CDH8: variants seen among roughly 807,000 people sequenced by gnomAD.
CDH8 encodes the protein cadherin 8, also known as cadherin-8.
In CDH8, 17 loss-of-function variants were observed where a neutral mutation model predicts 68.1. The observed-to-expected ratio is 0.25, with a 90% CI of 0.17 to 0.37. The LOEUF is 0.37. Among genes scored for constraint, CDH8 ranks in the 10% least tolerant of loss-of-function variants. The pLI, the probability that CDH8 is intolerant of heterozygous loss-of-function variation, is 1.00. For synonymous variants in CDH8, 372 were observed against 365.1 expected, an observed-to-expected ratio of 1.02 and a Z score of -0.21; for missense variants, 763 against 999.3, an observed-to-expected ratio of 0.76 and a Z score of 3.19.
intron 3 of CDH8, among the ~76,000 whole-genome samples, chr16:61,859,502 A>G (rs1157906539): frequency 6.6e-6 from 1 of 152,186 alleles, no homozygotes; most frequent in Admixed American, 6.5e-5. Flanking sequence ...TTTCAGTTAA[A>G]GAGCAAACCC....
intron 9 of CDH8, chr16:61,726,676 C>G: frequency 8.6e-6 from 2 of 232,458 alleles, no homozygotes; most frequent in Admixed American, 1.1e-4. Flanking sequence ...CTATAAACCA[C>G]TGGCCTTCTT....
intron 4 of CDH8, among the ~76,000 whole-genome samples, chr16:61,848,968 C>A (rs1284346439): frequency 6.6e-6 from 1 of 152,050 alleles, no homozygotes; most frequent in Non-Finnish European, 1.5e-5. Flanking sequence ...TCCTCAAAAT[C>A]TTCATCTTTA....
intron 2 of CDH8, among the ~76,000 whole-genome samples, chr16:61,928,502 A>T (rs1300196317): frequency 6.6e-6 from 1 of 152,070 alleles, no homozygotes; most frequent in African/African-American, 2.4e-5. Flanking sequence ...ATACCTCCTC[A>T]GTTGCTGCCT....
intron 2 of CDH8, among the ~76,000 whole-genome samples, chr16:61,932,351 A>G (rs1964559005): frequency 6.6e-6 from 1 of 152,230 alleles, no homozygotes; most frequent in Admixed American, 6.5e-5. Context: ...ACAAAAATGT[A>G]ATTCAAAGAT....
rs6498820 is a variant in CDH8, at chr16:62,032,410, C to T, written c.-200+3670G>A. On this transcript the variant is annotated intron_variant, in intron 1 of 11. Transcript: ENST00000577390. ...ATTATCATTGGTTTATCTACACCCT[C>T]CCACCCTGAGAAGTGTATAACACAC... 8.7e-3 allele frequency among the ~76,000 whole-genome samples: 1,324 copies of T among 152,228 alleles called. 18 individuals carry two copies. Among genetic ancestry groups the T allele is most frequent in the African/African-American group, 0.03 (1,232 of 41,548 alleles).
intron 2 of CDH8, among the ~76,000 whole-genome samples, chr16:61,962,044 G>A (rs1304655498): frequency 6.6e-6 from 1 of 152,128 alleles, no homozygotes; most frequent in Non-Finnish European, 1.5e-5. Flanking sequence ...CTAGAGAAAA[G>A]AAATTGCTAT....
intron 8 of CDH8, among the ~76,000 whole-genome samples, chr16:61,770,724 T>C (rs2142985254): frequency 6.6e-6 from 1 of 152,106 alleles, no homozygotes; most frequent in Non-Finnish European, 1.5e-5. Context: ...AACTCATTTC[T>C]TCCTCCTATC....
chr16:61,777,579 C>T lies in CDH8; in HGVS notation c.1414+11767G>A, dbSNP rs929032735. On this transcript the variant is annotated intron_variant, in intron 8 of 11. Coordinates refer to ENST00000577390, the MANE Select transcript of CDH8 (RefSeq NM_001796.5). Reference sequence around the variant, plus strand: ...AATCTATTCCTCCATTCTCAATCCACGTGTTCTTTCTTAGACTGGAAGGAA... The same window carrying T: ...AATCTATTCCTCCATTCTCAATCCATGTGTTCTTTCTTAGACTGGAAGGAA... Among the ~76,000 whole-genome samples the T allele has an allele frequency of 2.6e-5, 4 of 152,060 alleles. No homozygotes were observed. The East Asian group carries it at 7.7e-4, about 29-fold the overall frequency.
chr16:61,737,751 T>C (rs1266242851), intron 8 of CDH8, among the ~76,000 whole-genome samples: 1 of 152,164 alleles, frequency 6.6e-6, no homozygotes, highest in African/African-American at 2.4e-5. Flanking sequence ...GTATTGTTTT[T>C]ATGCATTCCC....
At position 61,825,132 on chromosome 16, in the gene CDH8, C is replaced by T. The variant is rs1245303241; in HGVS notation, c.715G>A (p.Glu239Lys). 3.7e-6 allele frequency: 6 copies of T among 1,611,822 alleles called. No homozygotes were observed. The highest frequency in any genetic ancestry group is 2.2e-5 in the South Asian group (2 of 90,992). Residue 239 changes from glutamate to lysine, a missense_variant, in exon 5 of 12, where the codon GAG (glutamate) becomes AAG (lysine). Glu to Lys is a moderately conservative substitution (Grantham distance 56). Transcript: ENST00000577390. Reference protein sequence around the residue: ...LPNMDREAKEEYLVVIQAKDM... With the variant: ...LPNMDREAKEKYLVVIQAKDM... ...TTGGCTTGGATAACAACCAGGTACTCCTCCTTGGCTTCTCTGTCCATGTTG... is the reference window on the plus strand; with the variant it reads ...TTGGCTTGGATAACAACCAGGTACTTCTCCTTGGCTTCTCTGTCCATGTTG...
intron 2 of CDH8, among the ~76,000 whole-genome samples, chr16:61,909,574 T>C (rs531933189): frequency 6.6e-4 from 100 of 152,278 alleles, no homozygotes; most frequent in African/African-American, 2.3e-3. Context: ...CTTATGTACT[T>C]TGGCATAATT....
chr16:61,959,725 T>TAC (rs1273347516), intron 2 of CDH8, among the ~76,000 whole-genome samples: 2 of 150,122 alleles, frequency 1.3e-5, no homozygotes, highest in African/African-American at 4.9e-5. Context: ...CACATATATA[T>TAC]ACACACACAT....
intron 10 of CDH8, among the ~76,000 whole-genome samples, chr16:61,671,626 G>A (rs1596851518): frequency 6.6e-6 from 1 of 152,028 alleles, no homozygotes; most frequent in East Asian, 1.9e-4. Flanking sequence ...GTGAAGGCAA[G>A]AGAATGGAAG....
rs74544594 is a variant in CDH8 at position 61,889,616 on chromosome 16, G to A, written c.547+11563C>T. On this transcript the variant is annotated intron_variant, in intron 3 of 11. Transcript: ENST00000577390. ...ATTCATTTCTCTGACCAGCAAATGC[G>A]GACAAAGGCTGAACTCTGTGAGGTT... 2.2e-3 allele frequency among the ~76,000 whole-genome samples: 339 copies of A among 152,208 alleles called. 5 individuals are homozygous for A. The East Asian group carries it at 0.023, about 10-fold the overall frequency.
intron 10 of CDH8, among the ~76,000 whole-genome samples, chr16:61,688,816 T>G (rs1964156889): frequency 6.6e-6 from 1 of 152,032 alleles, no homozygotes; most frequent in South Asian, 2.1e-4. Flanking sequence ...TCAGTTCTAG[T>G]GGTCTTTATG....
chr16:61,911,625 C>CG (rs1964164006), intron 2 of CDH8, among the ~76,000 whole-genome samples: 1 of 67,538 alleles, frequency 1.5e-5, no homozygotes, highest in Non-Finnish European at 2.4e-5. Flanking sequence ...TTCCCTAAAC[C>CG]CCCCCCCACC....
intron 7 of CDH8, 36 bp downstream of exon 7, chr16:61,817,443 T>G (rs1338887457): frequency 6.2e-7 from 1 of 1,609,240 alleles, no homozygotes; most frequent in African/African-American, 1.3e-5. Flanking sequence ...TGCTTGTCAT[T>G]TGCAGTAGCC....
intron 3 of CDH8, among the ~76,000 whole-genome samples, chr16:61,885,493 C>T (rs538099892): frequency 1.3e-3 from 201 of 152,186 alleles, no homozygotes; most frequent in African/African-American, 4.7e-3. Context: ...CTGACAGCCT[C>T]CCCAAAAAAG....
intron 2 of CDH8, among the ~76,000 whole-genome samples, chr16:62,017,652 G>A (rs1373212796): frequency 6.6e-6 from 1 of 152,166 alleles, no homozygotes; most frequent in Non-Finnish European, 1.5e-5. Flanking sequence ...TCCAGCTTGA[G>A]TGACAGAGCA....
Sources: gnomAD v4.1 joint callset for allele counts (sites outside exome capture counted in the v4.1 genomes callset) on GRCh38, gnomAD v4.1.1 for gene constraint, MANE v1.5 for transcripts, NCBI Gene and HGNC (gene_info 2026-07-23, HGNC 2026-07-21) for gene names.